The following PDZD4 variants were observed in gnomAD, a reference collection of about 807,000 sequenced individuals.
PDZD4 encodes the protein PDZ domain containing 4.
Under a neutral mutation model 38.5 loss-of-function variants are expected in PDZD4, and 9 were observed. That is an observed-to-expected ratio of 0.23 (90% CI 0.14 to 0.41). The LOEUF (loss-of-function observed/expected upper bound fraction) is 0.41, where lower values mean the gene tolerates loss of function less well. PDZD4 is among the 10% of genes least tolerant of loss of function. The pLI is 1.00. For synonymous variants in PDZD4, 349 were observed against 315.7 expected (o/e 1.11, Z -1.12); for missense variants, 612 against 722.0 (o/e 0.85, Z 1.75).
chrX:153,830,047 C>T, intron 1 of PDZD4, 192 bp downstream of exon 1: 1 of 571,420 alleles, frequency 1.8e-6, no homozygotes. Context: ...ACCCCAACTT[C>T]CCACCCCACC....
intron 1 of PDZD4, among the ~76,000 whole-genome samples, chrX:153,814,050 TG>T (rs1260568405): frequency 9.0e-6 from 1 of 111,408 alleles, no homozygotes; most frequent in Non-Finnish European, 1.9e-5. Flanking sequence ...TAATAAGAGA[TG>T]GGGTTTCACC....
At chrX:153,823,233 A>ATT (rs374179447) in intron 1 of PDZD4, among the ~76,000 whole-genome samples, 5 of 68,651 alleles carry the variant, frequency 7.3e-5, no homozygotes, top group African/African-American at 1.2e-4. Flanking sequence ...ATATATATAT[A>ATT]TTTTTTTTTG....
At chrX:153,815,003 G>C (rs192790697) in intron 1 of PDZD4, among the ~76,000 whole-genome samples, 1 of 112,849 alleles carries the variant, frequency 8.9e-6, no homozygotes, top group South Asian at 3.6e-4. Flanking sequence ...TGAGGAGGCG[G>C]AGGAGCACAA....
chrX:153,828,637 C>T (rs1009155934), intron 1 of PDZD4, among the ~76,000 whole-genome samples: 4 of 112,895 alleles, frequency 3.5e-5, no homozygotes, highest in Non-Finnish European at 7.5e-5. Flanking sequence ...TGGCTCATTT[C>T]AGGCCTGGGG....
rs1557075802 is a variant in PDZD4, at chrX:153,804,069, G to C, written c.1612C>G (p.Arg538Gly). 8.6e-7 allele frequency: 1 copy of C among 1,158,467 alleles called. No homozygotes were observed. Among genetic ancestry groups the C allele is most frequent in the Non-Finnish European group, 1.1e-6 (1 of 871,824 alleles). Reference sequence around the variant, plus strand: ...TGCCTCCGGCCGGCCTCAGGATCCCGGGAGAGGGACCGGAACTTGGCGGGG... The same window carrying C: ...TGCCTCCGGCCGGCCTCAGGATCCCCGGAGAGGGACCGGAACTTGGCGGGG... ...GSPAKFRSLS[R>G]DPEAGRRQHA... Residue 538 changes from arginine (R) to glycine (G), a missense_variant, in exon 8 of 8, where the codon CGG becomes GGG. Physicochemically the swap from Arg to Gly is moderately radical, Grantham distance 125. Coordinates refer to ENST00000393758, the MANE Select transcript of PDZD4 (RefSeq NM_001303512.2).
Position 153,803,277 on chromosome X carries a change from A to G in PDZD4, c.*76T>C, listed in dbSNP as rs2092186148. The G allele has an allele frequency of 7.0e-6, 6 of 863,253 alleles. No individual in the cohort carries two copies. In the Admixed American group the frequency reaches 1.7e-4, roughly 24 times the overall value. The allele number at this position is 863,253 out of a possible 1,213,427, so 71.1% of individuals were successfully genotyped here. Reference sequence around the variant, plus strand: ...CGCGCGCGCGCACACACACACACACACAATCTCTATAGGAGAGTGAGGGCC... The same window carrying G: ...CGCGCGCGCGCACACACACACACACGCAATCTCTATAGGAGAGTGAGGGCC... On this transcript the variant is annotated 3_prime_UTR_variant, in exon 8 of 8. Coordinates refer to ENST00000393758, the MANE Select transcript of PDZD4 (RefSeq NM_001303512.2).
At chrX:153,808,299 C>G in intron 2 of PDZD4, 43 bp downstream of exon 2, 1 of 1,167,691 alleles carries the variant, frequency 8.6e-7, no homozygotes, top group Non-Finnish European at 1.1e-6. Flanking sequence ...GTGGCCTGTC[C>G]TCTCTGGAGG....
At chrX:153,829,357 C>A (rs1557083182) in intron 1 of PDZD4, among the ~76,000 whole-genome samples, 1 of 111,279 alleles carries the variant, frequency 9.0e-6, no homozygotes, top group Admixed American at 9.5e-5. Flanking sequence ...TAAACGCATA[C>A]CTGTCTGAGC....
In PDZD4 at chrX:153,803,294, G is replaced by A; in HGVS notation, c.*59C>T. 1.0e-6 allele frequency: 1 copy of A among 997,592 alleles called. No homozygotes were observed. Among genetic ancestry groups the A allele is most frequent in the Admixed American group, 3.6e-5 (1 of 28,128 alleles). The allele number at this position is 997,592 out of a possible 1,213,427, so 82.2% of individuals were successfully genotyped here. A position where few individuals can be genotyped will look rare whatever the true frequency, so the allele number is the denominator to read the frequency against. ...ACACACACACAATCTCTATAGGAGA[G>A]TGAGGGCCGGGGCCCCAGGGGGTTC... On this transcript the variant is annotated 3_prime_UTR_variant, in exon 8 of 8. Coordinates refer to ENST00000393758, the MANE Select transcript of PDZD4 (RefSeq NM_001303512.2).
rs367896598 is a variant in PDZD4, at chrX:153,803,947, G to A, written c.1734C>T (p.Arg578=). The change falls in exon 8 of 8, where the codon CGC becomes CGT. Residue 578 remains arginine, a synonymous_variant. Transcript: ENST00000393758. ...AGTGCTCGCCCTCCTGGCCCTGGCC[G>A]CGGTGGCGCCGCGAGAGGTAAGGGC... is the stretch of plus-strand genomic sequence containing the variant. ...ESSPYLSRRH[R]GQGQEGEHYH... 1.5e-5 allele frequency: 18 copies of A among 1,165,090 alleles called. No homozygotes were observed. Among genetic ancestry groups the A allele is most frequent in the Admixed American group, 1.5e-4 (6 of 39,078 alleles).
At chrX:153,806,935 ACCCCTCAGCCCGCAG>A (rs1557077279) in intron 3 of PDZD4, 95 bp from the exon 4 acceptor site, 1 of 746,924 alleles carries the variant, frequency 1.3e-6, no homozygotes. Context: ...TCAGCCCGCA[ACCCCTCAGCCCGCAG>A]CCCCTCAGCT....
chrX:153,803,743 G>A lies in PDZD4; in HGVS notation c.1938C>T (p.Pro646=), dbSNP rs375303161. 4.1e-6 allele frequency: 5 copies of A among 1,208,157 alleles called. No individual in the cohort carries two copies. The highest frequency in any genetic ancestry group is 3.5e-5 in the South Asian group (2 of 56,956). Residue 646 remains proline, a synonymous_variant, in exon 8 of 8, where the codon CCC becomes CCT. Coordinates refer to ENST00000393758, the MANE Select transcript of PDZD4 (RefSeq NM_001303512.2). The part of the protein sequence containing the change: ...SDGTRYVAKR[P]VRDRLLKARA... ...GGGCTTTCAGCAGCCGATCTCGCAC[G>A]GGCCGCTTGGCCACGTAGCGGGTTC...
At chrX:153,805,413 G>T in intron 6 of PDZD4, 92 bp downstream of exon 6, 1 of 631,257 alleles carries the variant, frequency 1.6e-6, no homozygotes, top group East Asian at 3.5e-5. Flanking sequence ...ACTCCAGGTC[G>T]TTGGCACATC....
chrX:153,816,573 G>C (rs1455608280), intron 1 of PDZD4, among the ~76,000 whole-genome samples: 2 of 111,379 alleles, frequency 1.8e-5, no homozygotes, highest in Non-Finnish European at 3.8e-5. Context: ...CCAAGGAGCT[G>C]AAGGGAGAGA....
intron 1 of PDZD4, among the ~76,000 whole-genome samples, chrX:153,824,477 C>G (rs909886279): frequency 9.0e-6 from 1 of 110,973 alleles, no homozygotes; most frequent in Non-Finnish European, 1.9e-5. Context: ...GCTGGTGAGG[C>G]GGGGAGGCAG....
intron 1 of PDZD4, among the ~76,000 whole-genome samples, chrX:153,814,473 A>ACCCCCCC (rs782572040): frequency 4.5e-4 from 18 of 40,369 alleles, no homozygotes; most frequent in East Asian, 1.1e-3. Flanking sequence ...GACTCCATCC[A>ACCCCCCC]CCCCCCACCC....
chrX:153,811,142 GT>G lies in PDZD4; in HGVS notation c.61-2548del, dbSNP rs372435931. 3.8e-3 allele frequency among the ~76,000 whole-genome samples: 373 copies of G among 98,018 alleles called. 6 individuals carry two copies. In the East Asian group the frequency reaches 0.045, roughly 12 times the overall value. The allele number at this position is 98,018 out of a possible 115,157, so 85.1% of individuals were successfully genotyped here. A position where few individuals can be genotyped will look rare whatever the true frequency, so the allele number is the denominator to read the frequency against. ...GTGTGTGCCACCACACCCAGCTGTT[GT>G]TTTTTTTTTTTTAGACAGAGTCTTG... On this transcript the variant is annotated intron_variant, in intron 1 of 7. Coordinates refer to ENST00000393758, the MANE Select transcript of PDZD4 (RefSeq NM_001303512.2).
rs1419021851 is a variant in PDZD4, at chrX:153,804,033, C to G, written c.1648G>C (p.Glu550Gln). 1 of 1,158,114 alleles carries G rather than the reference C, an allele frequency of 8.6e-7. No homozygotes were observed. Among genetic ancestry groups the G allele is most frequent in the East Asian group, 3.3e-5 (1 of 30,643 alleles). ...GTCTTGGGGTTGCGGCGGCCGCGCTCCTCCGCGTGCTGCCTCCGGCCGGCC... is the reference window on the plus strand; with the variant it reads ...GTCTTGGGGTTGCGGCGGCCGCGCTGCTCCGCGTGCTGCCTCCGGCCGGCC... ...PEAGRRQHAEERGRRNPKTGL... is the reference protein window; with the variant it reads ...PEAGRRQHAEQRGRRNPKTGL... The change falls in exon 8 of 8, where the codon GAG (glutamate) becomes CAG (glutamine). Residue 550 changes from glutamate (E) to glutamine (Q), a missense_variant. By Grantham distance (29) the Glu-to-Gln change is conservative. Coordinates refer to ENST00000393758, the MANE Select transcript of PDZD4 (RefSeq NM_001303512.2).
Position 153,808,463 on chromosome X carries a change from G to T in PDZD4, c.193C>A (p.Leu65Met), listed in dbSNP as rs199928921. Residue 65 changes from leucine (L) to methionine (M), a missense_variant, in exon 2 of 8, where the codon CTG becomes ATG. Transcript: ENST00000393758. ...TGAGTGCCACTGTCCACCAGCTGCAGGTCGTGACAGGAGCTGTCCCCCCGG... is the reference window on the plus strand; with the variant it reads ...TGAGTGCCACTGTCCACCAGCTGCATGTCGTGACAGGAGCTGTCCCCCCGG... Reference protein sequence around the residue: ...RLRGDSSCHDLQLVDSGTQTD... With the variant: ...RLRGDSSCHDMQLVDSGTQTD... 6 of 1,210,604 alleles carry T rather than the reference G, an allele frequency of 5.0e-6. No homozygotes were observed. The East Asian group carries it at 1.5e-4, about 30-fold the overall frequency.
Sources: allele counts gnomAD v4.1 joint callset (sites outside exome capture counted in the v4.1 genomes callset), GRCh38; gene constraint gnomAD v4.1.1; transcripts MANE v1.5; gene names NCBI Gene and HGNC (gene_info 2026-07-23, HGNC 2026-07-21).